The following POFUT3 variants were observed in gnomAD, a reference collection of about 807,000 sequenced individuals.
The protein encoded by POFUT3 is protein O-fucosyltransferase 3.
At chr8:33,338,204 T>C in the POFUT3 span, among the ~76,000 whole-genome samples, 3,086 of 152,284 alleles carry the variant, frequency 0.02, 96 homozygotes, top group African/African-American at 0.071. Context: ...TGAATCGCAG[T>C]GGTGGGACAC....
At chr8:33,428,420 C>A in the POFUT3 span, among the ~76,000 whole-genome samples, 1 of 152,210 alleles carries the variant, frequency 6.6e-6, no homozygotes, top group African/African-American at 2.4e-5. Context: ...TAGGAAAGAC[C>A]TTATTATCAA....
chr8:33,380,026 T>C, the POFUT3 span, among the ~76,000 whole-genome samples: 98 of 74,544 alleles, frequency 1.3e-3, 5 homozygotes, highest in South Asian at 3.1e-3. Flanking sequence ...TATATATATA[T>C]ACTATATATA....
At chr8:33,452,463 G>A in the POFUT3 span, 5 of 151,906 alleles carry the variant, frequency 3.3e-5, no homozygotes, top group Non-Finnish European at 2.9e-5. Flanking sequence ...GTATATATGT[G>A]ACATTTCATG....
the POFUT3 span, among the ~76,000 whole-genome samples, chr8:33,312,125 G>A: frequency 1.6e-3 from 238 of 152,134 alleles, 1 homozygote; most frequent in African/African-American, 5.3e-3. Flanking sequence ...AGCCAGGCGT[G>A]GTGGCACATA....
At chr8:33,469,173 G>A in the POFUT3 span, among the ~76,000 whole-genome samples, 1 of 152,076 alleles carries the variant, frequency 6.6e-6, no homozygotes. Context: ...GGGTGTGGTG[G>A]TGCGTGCCTA....
chr8:33,380,037 TACGATATATATAC>T, the POFUT3 span, among the ~76,000 whole-genome samples: 105 of 70,654 alleles, frequency 1.5e-3, 11 homozygotes, highest in African/African-American at 5.0e-3. Context: ...ACTATATATA[TACGATATATATAC>T]ACTATATATA....
At chr8:33,470,045 G>A in the POFUT3 span, among the ~76,000 whole-genome samples, 4 of 151,036 alleles carry the variant, frequency 2.6e-5, no homozygotes, top group East Asian at 7.8e-4. Flanking sequence ...CACCTGCCTC[G>A]GCCTCCCAAA....
At chr8:33,467,272 C>CAAAA in the POFUT3 span, among the ~76,000 whole-genome samples, 290 of 72,848 alleles carry the variant, frequency 4.0e-3, 2 homozygotes, top group African/African-American at 4.5e-3. Context: ...GACTCTGTCT[C>CAAAA]AAAAAAAAAA....
chr8:33,399,420 T>C, the POFUT3 span, among the ~76,000 whole-genome samples: 7 of 152,218 alleles, frequency 4.6e-5, no homozygotes, highest in African/African-American at 1.7e-4. Context: ...AGAGGGAATA[T>C]TGATCCATCA....
At chr8:33,383,653 G>C in the POFUT3 span, among the ~76,000 whole-genome samples, 1 of 152,048 alleles carries the variant, frequency 6.6e-6, no homozygotes, top group Non-Finnish European at 1.5e-5. Flanking sequence ...ACAAAAATTA[G>C]CTGGGCGTGG....
At chr8:33,422,463 T>G in the POFUT3 span, among the ~76,000 whole-genome samples, 1 of 141,378 alleles carries the variant, frequency 7.1e-6, no homozygotes, top group African/African-American at 2.7e-5. Context: ...GAGAATTGCT[T>G]GAACCCAGGA....
the POFUT3 span, among the ~76,000 whole-genome samples, chr8:33,409,627 C>T: frequency 1.3e-5 from 2 of 152,276 alleles, no homozygotes; most frequent in Non-Finnish European, 2.9e-5. Flanking sequence ...CTCATCTGGC[C>T]GGGCGCAGTG....
At chr8:33,469,255 G>A in the POFUT3 span, among the ~76,000 whole-genome samples, 14 of 152,260 alleles carry the variant, frequency 9.2e-5, no homozygotes, top group East Asian at 1.9e-4. Flanking sequence ...GCAATGAGCC[G>A]AGATCGCGCC....
the POFUT3 span, among the ~76,000 whole-genome samples, chr8:33,380,065 C>G: frequency 6.9e-4 from 37 of 53,598 alleles, 3 homozygotes; most frequent in African/African-American, 3.9e-3. Flanking sequence ...TATATATACA[C>G]TATATATATA....
At chr8:33,383,500 T>C in the POFUT3 span, among the ~76,000 whole-genome samples, 1 of 152,114 alleles carries the variant, frequency 6.6e-6, no homozygotes, top group African/African-American at 2.4e-5. Context: ...GGGTGTACTG[T>C]CAAGAACTGG....
At chr8:33,323,043 C>T in the POFUT3 span, among the ~76,000 whole-genome samples, 1 of 151,952 alleles carries the variant, frequency 6.6e-6, no homozygotes, top group Non-Finnish European at 1.5e-5. Context: ...TTTAATTGCC[C>T]TTTTGGGCAT....
the POFUT3 span, among the ~76,000 whole-genome samples, chr8:33,342,287 G>T: frequency 2.0e-5 from 3 of 152,158 alleles, no homozygotes; most frequent in Non-Finnish European, 4.4e-5. Flanking sequence ...AGCCCAGGAA[G>T]TTGAGGCTGC....
At chr8:33,393,826 T>C in the POFUT3 span, among the ~76,000 whole-genome samples, 1 of 152,202 alleles carries the variant, frequency 6.6e-6, no homozygotes, top group African/African-American at 2.4e-5. Context: ...ACACGAATGA[T>C]GTGGAAAGCC....
the POFUT3 span, among the ~76,000 whole-genome samples, chr8:33,314,756 G>T: frequency 6.6e-6 from 1 of 152,266 alleles, no homozygotes; most frequent in Admixed American, 6.5e-5. Context: ...TCAGACAGAT[G>T]AATAATATCT....
Sources: gnomAD v4.1 joint callset for allele counts (sites outside exome capture counted in the v4.1 genomes callset) on GRCh38, gnomAD v4.1.1 for gene constraint, MANE v1.5 for transcripts, NCBI Gene and HGNC (gene_info 2026-07-23, HGNC 2026-07-21) for gene names.